ESR1: variants seen among roughly 807,000 people sequenced by gnomAD.
ESR1 encodes the protein estrogen receptor.
Under a neutral mutation model 52.7 loss-of-function variants are expected in ESR1, and 12 were observed. The observed-to-expected ratio is 0.23, with a 90% confidence interval of 0.15 to 0.37. ESR1 has a LOEUF of 0.37. Among genes scored for constraint, ESR1 ranks in the 10% least tolerant of loss-of-function variants. The probability of loss-of-function intolerance (pLI) is 1.00; values close to 1 mark genes in which losing one functional copy is unlikely to be tolerated. For synonymous variants in ESR1, 305 were observed against 316.8 expected (o/e 0.96, Z 0.39); for missense variants, 584 against 779.7 (o/e 0.75, Z 2.99).
At chr6:152,087,683 T>C (rs1287286987) in intron 6 of ESR1, among the ~76,000 whole-genome samples, 2 of 152,232 alleles carry the variant, frequency 1.3e-5, no homozygotes, top group African/African-American at 4.8e-5. Context: ...AAGATATCCA[T>C]GGATAGATCA....
chr6:151,816,526 A>C (rs976938459), intron 1 of ESR1, among the ~76,000 whole-genome samples: 1 of 152,204 alleles, frequency 6.6e-6, no homozygotes, highest in Non-Finnish European at 1.5e-5. Flanking sequence ...TCGGAAGGGA[A>C]TTGAGTACTA....
intron 2 of ESR1, among the ~76,000 whole-genome samples, chr6:151,797,284 A>G (rs1776801475): frequency 6.6e-6 from 1 of 152,202 alleles, no homozygotes; most frequent in Admixed American, 6.5e-5. Context: ...GCATGTCCAG[A>G]CTGATTGAGC....
intron 4 of ESR1, among the ~76,000 whole-genome samples, chr6:151,954,497 C>T (rs1367223142): frequency 6.6e-6 from 1 of 152,166 alleles, no homozygotes; most frequent in African/African-American, 2.4e-5. Context: ...TAAAGTTTCT[C>T]TTTGTAGTGT....
At chr6:151,977,089 G>T (rs997750721) in intron 4 of ESR1, among the ~76,000 whole-genome samples, 2 of 152,086 alleles carry the variant, frequency 1.3e-5, no homozygotes, top group South Asian at 4.1e-4. Flanking sequence ...GTATTACTGA[G>T]CTGGCAAGAA....
intron 6 of ESR1, among the ~76,000 whole-genome samples, chr6:152,077,147 C>T (rs1263720878): frequency 6.6e-6 from 1 of 152,114 alleles, no homozygotes; most frequent in African/African-American, 2.4e-5. Flanking sequence ...ATGCTGTGTG[C>T]AGCCTAGGAA....
chr6:151,659,409 C>G (rs1219287533), intron 1 of ESR1, among the ~76,000 whole-genome samples: 1 of 152,204 alleles, frequency 6.6e-6, no homozygotes, highest in East Asian at 1.9e-4. Flanking sequence ...TCTTCTGGTT[C>G]CATTGTTCCT....
In ESR1 at chr6:151,980,772, C is replaced by T. The variant is rs143084597; in HGVS notation, c.1097-30884C>T. On this transcript the variant is annotated intron_variant, in intron 4 of 7. Coordinates refer to ENST00000206249, the MANE Select transcript of ESR1 (RefSeq NM_000125.4). The stretch of plus-strand genomic sequence containing the variant: ...AGGCTGGAGTGCTGTGGTGCAATCT[C>T]AGCTCAATGCAACCTCCGCCTCCCG... Among the ~76,000 whole-genome samples, 152 of 152,286 alleles carry T rather than the reference C, an allele frequency of 1.0e-3. 3 individuals are homozygous for T. Among genetic ancestry groups the T allele is most frequent in the Non-Finnish European group, 1.5e-3 (104 of 68,038 alleles).
At chr6:151,883,144 G>A (rs1282812058) in intron 3 of ESR1, among the ~76,000 whole-genome samples, 1 of 151,610 alleles carries the variant, frequency 6.6e-6, no homozygotes, top group Admixed American at 6.6e-5. Flanking sequence ...TTGAGAGATG[G>A]AGTCTTGCTC....
At chr6:151,924,550 T>C (rs1235111425) in intron 3 of ESR1, among the ~76,000 whole-genome samples, 1 of 152,110 alleles carries the variant, frequency 6.6e-6, no homozygotes, top group Non-Finnish European at 1.5e-5. Context: ...TAAGCATAGT[T>C]CTTGATAGTT....
At chr6:151,685,238 A>G (rs1402712458) in intron 1 of ESR1, among the ~76,000 whole-genome samples, 2 of 146,646 alleles carry the variant, frequency 1.4e-5, no homozygotes, top group Admixed American at 1.4e-4. Context: ...GGTTCACGCC[A>G]TTCTCCTGCC....
intron 2 of ESR1, among the ~76,000 whole-genome samples, chr6:151,708,187 G>A (rs1043473262): frequency 3.9e-5 from 6 of 151,990 alleles, no homozygotes; most frequent in African/African-American, 1.2e-4. Context: ...ATGTGTGTGT[G>A]TATTACTCTG....
intron 3 of ESR1, among the ~76,000 whole-genome samples, chr6:151,893,641 A>T (rs1179333139): frequency 6.6e-6 from 1 of 152,152 alleles, no homozygotes; most frequent in Non-Finnish European, 1.5e-5. Flanking sequence ...AAAATTATTG[A>T]TACATTATGT....
chr6:151,740,032 C>T (rs771251680), intron 2 of ESR1, among the ~76,000 whole-genome samples: 3 of 152,134 alleles, frequency 2.0e-5, no homozygotes, highest in Non-Finnish European at 2.9e-5. Flanking sequence ...AGACTTATGC[C>T]TGTATTATTG....
intron 5 of ESR1, among the ~76,000 whole-genome samples, chr6:152,028,331 C>T (rs980310651): frequency 3.9e-5 from 6 of 152,122 alleles, no homozygotes; most frequent in East Asian, 1.9e-4. Flanking sequence ...AAGCATGAGC[C>T]GAAGCAGAGC....
chr6:151,975,218 A>G (rs1037769478), intron 4 of ESR1, among the ~76,000 whole-genome samples: 3 of 152,196 alleles, frequency 2.0e-5, no homozygotes, highest in Non-Finnish European at 4.4e-5. Flanking sequence ...ATGGAATGCC[A>G]TGCATCTCCT....
chr6:151,699,584 A>G (rs1176231275), intron 1 of ESR1, among the ~76,000 whole-genome samples: 1 of 152,112 alleles, frequency 6.6e-6, no homozygotes, highest in Non-Finnish European at 1.5e-5. Context: ...AACCAAGGCA[A>G]CCCTCAAAAA....
At chr6:151,840,716 A>G (rs535086518) in intron 1 of ESR1, among the ~76,000 whole-genome samples, 1 of 152,212 alleles carries the variant, frequency 6.6e-6, no homozygotes, top group Admixed American at 6.5e-5. Context: ...TTCCTTTGCC[A>G]AGAGACCCTG....
At position 152,053,670 on chromosome 6, in the gene ESR1, C is replaced by G. The variant is rs2046871383; in HGVS notation, c.1236-7321C>G. The stretch of plus-strand genomic sequence containing the variant: ...TCTGTCTGCCTCTCTCTCTCTCTCT[C>G]TCTTCCCTAGTGAGCTCACTTGCTT... On this transcript the variant is annotated intron_variant, in intron 5 of 7. Coordinates refer to ENST00000206249, the MANE Select transcript of ESR1 (RefSeq NM_000125.4). The surrounding 1 kb of genome is among the most constrained non-coding windows in gnomAD (Gnocchi z 4.1). 6.6e-6 allele frequency among the ~76,000 whole-genome samples: 1 copy of G among 151,914 alleles called. No homozygotes were observed. The highest frequency in any genetic ancestry group is 6.6e-5 in the Admixed American group (1 of 15,256).
intron 2 of ESR1, among the ~76,000 whole-genome samples, chr6:151,711,260 T>TTTATC (rs1397761864): frequency 3.3e-5 from 5 of 151,622 alleles, no homozygotes; most frequent in Non-Finnish European, 5.9e-5. Flanking sequence ...CTCACTCTGT[T>TTTATC]GCCCAGGCTG....
Sources: gnomAD v4.1 joint callset for allele counts (sites outside exome capture counted in the v4.1 genomes callset) on GRCh38, gnomAD v4.1.1 for gene constraint, Gnocchi (gnomAD v3.1) non-coding constraint, MANE v1.5 for transcripts, NCBI Gene and HGNC (gene_info 2026-07-23, HGNC 2026-07-21) for gene names.